The following CSMD1 variants were observed in gnomAD, a reference collection of about 807,000 sequenced individuals.
CSMD1 encodes the protein CUB and sushi domain-containing protein 1.
A neutral mutation model predicts 417.5 loss-of-function variants in CSMD1; 213 were observed. The observed-to-expected ratio is 0.51, with a 90% confidence interval of 0.46 to 0.57. CSMD1 has a LOEUF of 0.57. Ranked by LOEUF, CSMD1 falls within the 20% of genes least tolerant of loss-of-function variation. The pLI is 0.00. For synonymous variants in CSMD1, 2,862 were observed against 1,736.8 expected, an observed-to-expected ratio of 1.65 and a Z score of -16.11; for missense variants, 6,923 against 4,529.7, an observed-to-expected ratio of 1.53 and a Z score of -15.17.
At chr8:4,300,325 G>A (rs1011329002) in intron 3 of CSMD1, among the ~76,000 whole-genome samples, 1 of 152,142 alleles carries the variant, frequency 6.6e-6, no homozygotes. Context: ...CAAAAAGTTT[G>A]TGGAAAAATA....
intron 2 of CSMD1, among the ~76,000 whole-genome samples, chr8:4,445,108 A>C (rs955076458): frequency 1.3e-5 from 2 of 152,244 alleles, no homozygotes; most frequent in East Asian, 1.9e-4. Flanking sequence ...ACAACAAAAA[A>C]AGTATGACTG....
intron 3 of CSMD1, among the ~76,000 whole-genome samples, chr8:4,170,532 G>T (rs1399659099): frequency 6.6e-6 from 1 of 151,866 alleles, no homozygotes; most frequent in Admixed American, 6.5e-5. Flanking sequence ...AAAGTCTATA[G>T]TCGGAGTATT....
intron 5 of CSMD1, among the ~76,000 whole-genome samples, chr8:3,906,411 G>A (rs367886676): frequency 7.9e-5 from 12 of 152,018 alleles, no homozygotes; most frequent in African/African-American, 1.7e-4. Flanking sequence ...TGTTTTTAAC[G>A]AACATGATAT....
At chr8:3,923,035 A>G (rs963880539) in intron 5 of CSMD1, among the ~76,000 whole-genome samples, 3 of 152,158 alleles carry the variant, frequency 2.0e-5, no homozygotes, top group African/African-American at 7.2e-5. Context: ...AAAACAACAG[A>G]CAATTGCAAA....
At chr8:4,669,484 T>C (rs976633984) in intron 1 of CSMD1, among the ~76,000 whole-genome samples, 4 of 152,200 alleles carry the variant, frequency 2.6e-5, no homozygotes, top group Non-Finnish European at 5.9e-5. Context: ...GACAACCGTA[T>C]CTAGTCATCT....
intron 1 of CSMD1, among the ~76,000 whole-genome samples, chr8:4,703,908 C>A (rs1483621755): frequency 6.6e-6 from 1 of 152,134 alleles, no homozygotes; most frequent in Non-Finnish European, 1.5e-5. Flanking sequence ...ACTGTTCCAC[C>A]TCAGATCATC....
intron 3 of CSMD1, among the ~76,000 whole-genome samples, chr8:4,378,661 A>C (rs1042113386): frequency 3.9e-5 from 6 of 152,178 alleles, no homozygotes; most frequent in African/African-American, 1.4e-4. Flanking sequence ...CTGCTGGTTT[A>C]ATCATCCCCT....
chr8:3,300,266 T>C (rs1408811933), intron 25 of CSMD1, among the ~76,000 whole-genome samples: 4 of 152,298 alleles, frequency 2.6e-5, no homozygotes, highest in Admixed American at 1.3e-4. Flanking sequence ...ACATTTTATG[T>C]TTGTATTTGC....
chr8:4,054,467 G>C (rs554407031), intron 3 of CSMD1, among the ~76,000 whole-genome samples: 21 of 152,220 alleles, frequency 1.4e-4, no homozygotes, highest in African/African-American at 4.3e-4. Flanking sequence ...TTCTTAGCAA[G>C]AACGACTGCA....
At chr8:3,227,626 G>A (rs538638345) in intron 27 of CSMD1, among the ~76,000 whole-genome samples, 1 of 152,264 alleles carries the variant, frequency 6.6e-6, no homozygotes, top group African/African-American at 2.4e-5. Flanking sequence ...CATCAGTGGT[G>A]TAGTTGTGCC....
chr8:3,699,496 G>T (rs1800729808), intron 7 of CSMD1, among the ~76,000 whole-genome samples: 1 of 152,178 alleles, frequency 6.6e-6, no homozygotes, highest in African/African-American at 2.4e-5. Context: ...GGACTTGGTG[G>T]CGCCTCACAT....
intron 4 of CSMD1, among the ~76,000 whole-genome samples, chr8:4,020,084 C>A (rs1796714469): frequency 6.6e-6 from 1 of 152,220 alleles, no homozygotes; most frequent in African/African-American, 2.4e-5. Flanking sequence ...GTAATTATAG[C>A]AGCTGATATT....
intron 1 of CSMD1, among the ~76,000 whole-genome samples, chr8:4,818,297 T>C (rs1799319901): frequency 6.6e-6 from 1 of 152,188 alleles, no homozygotes; most frequent in African/African-American, 2.4e-5. Context: ...AAAAGCTCGA[T>C]GAAATTGACC....
chr8:3,278,163 A>C (rs573906725), intron 26 of CSMD1, among the ~76,000 whole-genome samples: 9 of 152,322 alleles, frequency 5.9e-5, no homozygotes, highest in African/African-American at 1.7e-4. Flanking sequence ...GAGAATAATA[A>C]GATGAAAAAC....
rs2161752 is a variant in CSMD1, at chr8:3,343,355, C to G, written c.3570G>C (p.Leu1190=). The G allele has an allele frequency of 3.7e-6, 6 of 1,613,554 alleles. No homozygotes were observed. Among genetic ancestry groups the G allele is most frequent in the Non-Finnish European group, 4.2e-6 (5 of 1,179,698 alleles). ...GLILNSTSNH[L]WLEFNTNGSD... ...ATCCATTGGTGTTGAACTCTAGCCA[C>G]AGGTGATTGGATGTGCTGTTTAGGA... Residue 1190 remains leucine (L), a synonymous_variant, in exon 23 of 70, where the codon CTG becomes CTC. Transcript: ENST00000635120.
At chr8:4,444,587 A>T (rs1015895962) in intron 2 of CSMD1, among the ~76,000 whole-genome samples, 1 of 152,216 alleles carries the variant, frequency 6.6e-6, no homozygotes. Flanking sequence ...CCAGAACATG[A>T]AATGCTGAGC....
At chr8:4,658,671 T>C (rs1272443120) in intron 1 of CSMD1, among the ~76,000 whole-genome samples, 2 of 151,996 alleles carry the variant, frequency 1.3e-5, no homozygotes, top group African/African-American at 4.8e-5. Flanking sequence ...GTTAGAAAAA[T>C]TAAAAACTAC....
chr8:4,846,522 G>A (rs1801155704), intron 1 of CSMD1, among the ~76,000 whole-genome samples: 1 of 152,204 alleles, frequency 6.6e-6, no homozygotes, highest in Admixed American at 6.5e-5. Flanking sequence ...CGACATTGCT[G>A]TTTTGGTCCA....
chr8:3,224,322 T>C (rs906814540), intron 27 of CSMD1, among the ~76,000 whole-genome samples: 8 of 152,230 alleles, frequency 5.3e-5, no homozygotes, highest in African/African-American at 1.4e-4. Flanking sequence ...CTATTTCTTC[T>C]TGAGTGCATG....
Sources: allele counts gnomAD v4.1 joint callset (sites outside exome capture counted in the v4.1 genomes callset), GRCh38; gene constraint gnomAD v4.1.1; transcripts MANE v1.5; gene names NCBI Gene and HGNC (gene_info 2026-07-23, HGNC 2026-07-21).